The following NREP variants were observed in gnomAD, a reference collection of about 807,000 sequenced individuals.
The protein encoded by NREP is neuronal regeneration related protein.
In NREP, 5 loss-of-function variants were observed where a neutral mutation model predicts 8.6. That is an observed-to-expected ratio of 0.58 (90% CI 0.30 to 1.22). The LOEUF is 1.22. Ranked by LOEUF, NREP falls within the 50% of genes most tolerant of loss-of-function variation. The pLI is 0.07. For missense variants in NREP, 86 were observed against 82.5 expected, an observed-to-expected ratio of 1.04 and a Z score of -0.17; for synonymous variants, 27 against 28.0, an observed-to-expected ratio of 0.96 and a Z score of 0.11.
At chr5:111,932,519 A>T (rs1235315365) in intron 2 of NREP, among the ~76,000 whole-genome samples, 1 of 152,138 alleles carries the variant, frequency 6.6e-6, no homozygotes, top group Non-Finnish European at 1.5e-5. Flanking sequence ...TAGGACTCAT[A>T]TACATTTATT....
chr5:111,815,494 T>A (rs1324960417), intron 2 of NREP, among the ~76,000 whole-genome samples: 1 of 152,160 alleles, frequency 6.6e-6, no homozygotes, highest in East Asian at 1.9e-4. Context: ...AAGAAAGTTT[T>A]TTTTTTTAGT....
intron 2 of NREP, among the ~76,000 whole-genome samples, chr5:111,872,525 T>C (rs1355644710): frequency 6.6e-6 from 1 of 152,204 alleles, no homozygotes; most frequent in Non-Finnish European, 1.5e-5. Flanking sequence ...GCTTGATCTT[T>C]AGGAAGTCCG....
At chr5:111,898,648 T>C (rs548572996) in intron 2 of NREP, among the ~76,000 whole-genome samples, 1 of 152,076 alleles carries the variant, frequency 6.6e-6, no homozygotes, top group Non-Finnish European at 1.5e-5. Context: ...GAAGCAACTG[T>C]CTCCCCTCAA....
At chr5:111,770,377 T>C (rs1238787783) in intron 2 of NREP, among the ~76,000 whole-genome samples, 2 of 152,170 alleles carry the variant, frequency 1.3e-5, no homozygotes, top group African/African-American at 4.8e-5. Flanking sequence ...AATTTCTCTA[T>C]GCTGCAGAGG....
chr5:111,781,154 C>T (rs1419231483), intron 2 of NREP, among the ~76,000 whole-genome samples: 1 of 152,106 alleles, frequency 6.6e-6, no homozygotes, highest in Non-Finnish European at 1.5e-5. Context: ...TCCCACCCTC[C>T]ACTTCTGATA....
In NREP at chr5:111,883,041, G is replaced by A. The variant is rs374569339; in HGVS notation, c.135+92233C>T. On this transcript the variant is annotated intron_variant, in intron 2 of 3. Transcript: ENST00000395634. The stretch of plus-strand genomic sequence containing the variant: ...AAAGACACAGACTGGCAAATTGGAT[G>A]AAGAGTCAAGACCCATCAGTGTGCT... 6.7e-3 allele frequency among the ~76,000 whole-genome samples: 989 copies of A among 148,094 alleles called. 16 individuals are homozygous for A. The highest frequency in any genetic ancestry group is 0.023 in the African/African-American group (923 of 39,992).
chr5:111,853,112 G>C (rs1390090715), intron 2 of NREP, among the ~76,000 whole-genome samples: 1 of 152,068 alleles, frequency 6.6e-6, no homozygotes, highest in Non-Finnish European at 1.5e-5. Flanking sequence ...TACTTAAAAA[G>C]AGTTAATTTA....
chr5:111,938,203 C>G (rs938399929), intron 2 of NREP, among the ~76,000 whole-genome samples: 3 of 152,056 alleles, frequency 2.0e-5, no homozygotes, highest in Non-Finnish European at 2.9e-5. Context: ...TGCTGCACTC[C>G]TCTCTGGGAG....
intron 2 of NREP, among the ~76,000 whole-genome samples, chr5:111,736,186 T>A (rs1157998824): frequency 6.6e-6 from 1 of 152,154 alleles, no homozygotes; most frequent in African/African-American, 2.4e-5. Context: ...CTGTTCTCCA[T>A]CTTCAAGTAA....
chr5:111,831,952 G>C (rs969737046), intron 2 of NREP, among the ~76,000 whole-genome samples: 1 of 152,194 alleles, frequency 6.6e-6, no homozygotes, highest in Non-Finnish European at 1.5e-5. Flanking sequence ...TGCTTGCTGA[G>C]TGGCCCACGT....
chr5:111,953,868 G>C (rs1025480933), intron 2 of NREP, among the ~76,000 whole-genome samples: 1 of 152,216 alleles, frequency 6.6e-6, no homozygotes, highest in East Asian at 1.9e-4. Context: ...AATATATTTA[G>C]GGAAGTGTAT....
chr5:111,960,476 C>A (rs990509790), intron 2 of NREP, among the ~76,000 whole-genome samples: 6 of 151,992 alleles, frequency 3.9e-5, no homozygotes, highest in African/African-American at 1.5e-4. Context: ...CAAGGGCATG[C>A]CAATAGAAAT....
At position 111,730,962 on chromosome 5, in the gene NREP, C is replaced by T; in HGVS notation, c.166G>A (p.Glu56Lys). 6.2e-7 allele frequency: 1 copy of T among 1,613,894 alleles called. No homozygotes were observed. Among genetic ancestry groups the T allele is most frequent in the Non-Finnish European group, 8.5e-7 (1 of 1,179,828 alleles). ...TAACTGATTCTTGGGGAGCGGAGTT[C>T]ACTGCTGCCCAGTGGAGTCAGGGAG... is the stretch of plus-strand genomic sequence containing the variant. ...AASLTPLGSS[E>K]LRSPRISYLH... The change falls in exon 4 of 4, where the codon GAA (glutamate) becomes AAA (lysine). Residue 56 changes from glutamate (E) to lysine (K), a missense_variant. Transcript: ENST00000257435.
At chr5:111,752,405 A>C (rs934115913) in intron 2 of NREP, among the ~76,000 whole-genome samples, 1 of 152,178 alleles carries the variant, frequency 6.6e-6, no homozygotes, top group Non-Finnish European at 1.5e-5. Flanking sequence ...AGTACCATAT[A>C]AAATTATTCT....
At chr5:111,919,889 A>AAGAG (rs1755180160) in intron 2 of NREP, among the ~76,000 whole-genome samples, 2 of 151,112 alleles carry the variant, frequency 1.3e-5, no homozygotes, top group African/African-American at 4.9e-5. Context: ...GAAAGAAAGA[A>AAGAG]AGAAAGAAAG....
intron 2 of NREP, among the ~76,000 whole-genome samples, chr5:111,971,265 T>C (rs1581262602): frequency 6.6e-6 from 1 of 152,334 alleles, no homozygotes; most frequent in South Asian, 2.1e-4. Flanking sequence ...CCCATCCATA[T>C]ACCTGAAAGT....
intron 2 of NREP, among the ~76,000 whole-genome samples, chr5:111,753,577 T>C (rs2112846728): frequency 6.6e-6 from 1 of 152,070 alleles, no homozygotes; most frequent in Non-Finnish European, 1.5e-5. Flanking sequence ...AAATTTGTAT[T>C]TGAAATAAGC....
At chr5:111,807,097 T>A (rs761439170) in intron 2 of NREP, among the ~76,000 whole-genome samples, 12 of 152,078 alleles carry the variant, frequency 7.9e-5, no homozygotes, top group Non-Finnish European at 1.8e-4. Flanking sequence ...TGTAAGATAA[T>A]TAAACCTAAT....
At chr5:111,850,072 T>G (rs761734140) in intron 2 of NREP, among the ~76,000 whole-genome samples, 13 of 152,192 alleles carry the variant, frequency 8.5e-5, no homozygotes, top group Admixed American at 2.6e-4. Flanking sequence ...ACTGTCTTTA[T>G]GTCATTTGAC....
Sources: gnomAD v4.1 joint callset for allele counts (sites outside exome capture counted in the v4.1 genomes callset) on GRCh38, gnomAD v4.1.1 for gene constraint, MANE v1.5 for transcripts, NCBI Gene and HGNC (gene_info 2026-07-23, HGNC 2026-07-21) for gene names.